BPGM: variants seen among roughly 807,000 people sequenced by gnomAD.
The protein encoded by BPGM is bisphosphoglycerate mutase.
Under a neutral mutation model 21.6 loss-of-function variants are expected in BPGM, and 15 were observed. The ratio of observed to expected loss-of-function variants is 0.70; its 90% CI spans 0.47 to 1.07. The LOEUF is 1.07. BPGM is among the 50% of genes least tolerant of loss of function. The pLI, the probability that BPGM is intolerant of heterozygous loss-of-function variation, is 0.00. For synonymous variants in BPGM, 113 were observed against 116.2 expected (o/e 0.97, Z 0.18); for missense variants, 273 against 319.0 (o/e 0.86, Z 1.10).
chr7:134,668,774 C>G (rs951622570), intron 2 of BPGM, among the ~76,000 whole-genome samples: 20 of 152,220 alleles, frequency 1.3e-4, no homozygotes, highest in Admixed American at 5.2e-4. Context: ...ATACACCCAT[C>G]ATCATGGATG....
intron 1 of BPGM, among the ~76,000 whole-genome samples, chr7:134,650,649 A>G (rs534202089): frequency 1.7e-4 from 26 of 152,218 alleles, no homozygotes; most frequent in Non-Finnish European, 2.9e-4. Context: ...TTGGCCGAGC[A>G]CGGTGGCTCA....
chr7:134,673,571 A>G (rs1017598550), intron 2 of BPGM, among the ~76,000 whole-genome samples: 4 of 152,210 alleles, frequency 2.6e-5, no homozygotes, highest in African/African-American at 9.6e-5. Flanking sequence ...ACTCGTTTCT[A>G]AAGTCACAGA....
chr7:134,673,456 G>C (rs907207329), intron 2 of BPGM, among the ~76,000 whole-genome samples: 2 of 152,162 alleles, frequency 1.3e-5, no homozygotes, highest in Non-Finnish European at 2.9e-5. Context: ...CCAAACTTGA[G>C]AGTGCTGCTA....
Position 134,678,850 on chromosome 7 carries a change from C to G in BPGM, c.602-3C>G, listed in dbSNP as rs1796019622. 6.2e-7 allele frequency: 1 copy of G among 1,613,010 alleles called. No homozygotes were observed. The highest frequency in any genetic ancestry group is 8.5e-7 in the Non-Finnish European group (1 of 1,179,104). On this transcript the variant is annotated splice_region_variant and splice_polypyrimidine_tract_variant and intron_variant, in intron 2 of 2. Coordinates refer to ENST00000344924, the MANE Select transcript of BPGM (RefSeq NM_001724.5). ...CCTGGTCTCTTCCTGTCCTGATCAA[C>G]AGGTATCTCAGATGAAGACATCATC...
chr7:134,663,124 C>G (rs1213792868), intron 2 of BPGM, among the ~76,000 whole-genome samples: 1 of 152,184 alleles, frequency 6.6e-6, no homozygotes, highest in East Asian at 1.9e-4. Flanking sequence ...TTTCATTCTG[C>G]TTTAATTTTC....
intron 1 of BPGM, among the ~76,000 whole-genome samples, chr7:134,652,895 G>T (rs982243622): frequency 2.6e-5 from 4 of 152,138 alleles, no homozygotes; most frequent in Admixed American, 6.5e-5. Flanking sequence ...CACTTAGATT[G>T]CTTCCATATC....
intron 2 of BPGM, among the ~76,000 whole-genome samples, chr7:134,677,251 T>TTTTCTTTC (rs138990312): frequency 2.0e-5 from 3 of 152,002 alleles, no homozygotes; most frequent in Admixed American, 2.0e-4. Context: ...TGTGTGTTTC[T>TTTTCTTTC]TTTCTTTCTT....
At chr7:134,678,821 A>AG (rs777558280) in intron 2 of BPGM, 32 bp from the exon 3 acceptor site, 19 of 1,596,514 alleles carry the variant, frequency 1.2e-5, no homozygotes, top group Middle Eastern at 1.7e-4. Context: ...GTTGTGTTTT[A>AG]ACACCTGGTC....
At chr7:134,653,025 CT>C (rs772245375) in intron 1 of BPGM, among the ~76,000 whole-genome samples, 12 of 152,122 alleles carry the variant, frequency 7.9e-5, no homozygotes, top group Non-Finnish European at 1.5e-4. Flanking sequence ...TGTCTACTAC[CT>C]GTTTTTGAAC....
chr7:134,663,094 G>T (rs1379577821), intron 2 of BPGM, among the ~76,000 whole-genome samples: 1 of 152,148 alleles, frequency 6.6e-6, no homozygotes, highest in Non-Finnish European at 1.5e-5. Context: ...ATAAATAGAA[G>T]AAATTTCTCC....
chr7:134,648,148 G>GTTTTTTT, intron 1 of BPGM, among the ~76,000 whole-genome samples: 1 of 144,422 alleles, frequency 6.9e-6, no homozygotes, highest in African/African-American at 2.6e-5. Flanking sequence ...TTTTTGTTTT[G>GTTTTTTT]TTTTCAGACG....
intron 1 of BPGM, among the ~76,000 whole-genome samples, chr7:134,654,141 C>CACAT (rs2131418176): frequency 1.0e-5 from 1 of 99,390 alleles, no homozygotes; most frequent in Non-Finnish European, 1.9e-5. Flanking sequence ...CACACACACA[C>CACAT]ACACGTACTG....
At chr7:134,673,905 T>C (rs1795945090) in intron 2 of BPGM, among the ~76,000 whole-genome samples, 1 of 141,502 alleles carries the variant, frequency 7.1e-6, no homozygotes, top group Admixed American at 7.1e-5. Flanking sequence ...TCTGTTTCCT[T>C]TTTTTTTTTT....
intron 1 of BPGM, among the ~76,000 whole-genome samples, chr7:134,657,628 A>G (rs1036550921): frequency 6.6e-6 from 1 of 152,200 alleles, no homozygotes; most frequent in Non-Finnish European, 1.5e-5. Flanking sequence ...GGTATGAGGC[A>G]TGAGCACCCC....
chr7:134,656,993 T>G (rs1562967598), intron 1 of BPGM, among the ~76,000 whole-genome samples: 1 of 152,108 alleles, frequency 6.6e-6, no homozygotes, highest in Non-Finnish European at 1.5e-5. Flanking sequence ...ATATACCTGT[T>G]CCAAATGGGA....
chr7:134,656,003 C>G (rs555783518), intron 1 of BPGM, among the ~76,000 whole-genome samples: 21 of 152,262 alleles, frequency 1.4e-4, no homozygotes, highest in African/African-American at 4.6e-4. Flanking sequence ...GACCTACTTC[C>G]CAATGGGTGA....
At chr7:134,654,827 C>T (rs2131419190) in intron 1 of BPGM, among the ~76,000 whole-genome samples, 1 of 151,908 alleles carries the variant, frequency 6.6e-6, no homozygotes, top group East Asian at 1.9e-4. Flanking sequence ...TTTTGAGGCA[C>T]CATTTCAGTA....
At chr7:134,669,275 C>T (rs939422925) in intron 2 of BPGM, among the ~76,000 whole-genome samples, 5 of 152,204 alleles carry the variant, frequency 3.3e-5, no homozygotes, top group Non-Finnish European at 7.3e-5. Context: ...CTGACTTTAG[C>T]ACCTAAACCA....
chr7:134,669,842 T>C (rs1229767085), intron 2 of BPGM, among the ~76,000 whole-genome samples: 1 of 152,176 alleles, frequency 6.6e-6, no homozygotes, highest in African/African-American at 2.4e-5. Flanking sequence ...TACTGGCTTT[T>C]AGAAGTACCA....
Sources: gnomAD v4.1 joint callset for allele counts (sites outside exome capture counted in the v4.1 genomes callset) on GRCh38, gnomAD v4.1.1 for gene constraint, MANE v1.5 for transcripts, NCBI Gene and HGNC (gene_info 2026-07-23, HGNC 2026-07-21) for gene names.